The following NCAN variants were observed in gnomAD, a reference collection of about 807,000 sequenced individuals.
The protein encoded by NCAN is neurocan core protein.
In NCAN, 47 loss-of-function variants were observed where a neutral mutation model predicts 121.8. The observed-to-expected ratio is 0.39, with a 90% CI of 0.31 to 0.49. The LOEUF is 0.49. NCAN is among the 20% of genes least tolerant of loss of function. NCAN has a pLI of 0.92. For missense variants in NCAN, 1,517 were observed against 1,773.4 expected (o/e 0.86, Z 2.60); for synonymous variants, 633 against 702.0 (o/e 0.90, Z 1.55).
chr19:19,243,531 A>AAAG (rs1555785093), intron 12 of NCAN, among the ~76,000 whole-genome samples: 1 of 150,868 alleles, frequency 6.6e-6, no homozygotes, highest in African/African-American at 2.4e-5. Flanking sequence ...AAAAAAAAAA[A>AAAG]AAAGAAAAAG....
intron 12 of NCAN, among the ~76,000 whole-genome samples, chr19:19,241,346 T>C (rs56352336): frequency 0.11 from 16,349 of 152,072 alleles, 1,147 homozygotes; most frequent in Middle Eastern, 0.26. Flanking sequence ...GAGGATCACT[T>C]GAGCCCAGGA....
intron 3 of NCAN, among the ~76,000 whole-genome samples, chr19:19,222,326 C>T (rs1450467820): frequency 6.6e-6 from 1 of 152,170 alleles, no homozygotes; most frequent in African/African-American, 2.4e-5. Flanking sequence ...GTCACCCAGG[C>T]TGGAGTTCAG....
In NCAN at chr19:19,251,258, G is replaced by A. The variant is rs1334645454; in HGVS notation, c.*1347G>A. On this transcript the variant is annotated 3_prime_UTR_variant, in exon 15 of 15. Coordinates refer to ENST00000252575, the MANE Select transcript of NCAN (RefSeq NM_004386.3). ...TAAGCAAATGAATGGTCCACCTAGGGGTTCAGTAAAGAAAGAAATGTGTTA... is the reference window on the plus strand; with the variant it reads ...TAAGCAAATGAATGGTCCACCTAGGAGTTCAGTAAAGAAAGAAATGTGTTA... 1 of 152,146 alleles carries A rather than the reference G, an allele frequency of 6.6e-6. No homozygotes were observed. Among genetic ancestry groups the A allele is most frequent in the African/African-American group, 2.4e-5 (1 of 41,424 alleles). 9.4% of individuals were successfully genotyped at this position (152,146 alleles called of 1,614,324 possible).
chr19:19,248,850 A>C lies in NCAN; in HGVS notation c.3788A>C (p.Lys1263Thr). Residue 1263 changes from lysine (K) to threonine (T), a missense_variant, in exon 14 of 15, where the codon AAG (lysine) becomes ACG (threonine). By Grantham distance (78) the Lys-to-Thr change is moderately conservative (BLOSUM62 -1). Transcript: ENST00000252575. The part of the protein sequence containing the change: ...VATIRCRSNG[K>T]WDRPQIVCTK... ...ACCATTCGATGCCGGAGCAATGGCA[A>C]GTGGGACAGGCCCCAAATTGTCTGC... The C allele has an allele frequency of 6.2e-7, 1 of 1,614,212 alleles. No individual in the cohort carries two copies. Among genetic ancestry groups the C allele is most frequent in the Non-Finnish European group, 8.5e-7 (1 of 1,180,046 alleles).
At chr19:19,248,938 A>G (rs1009793684) in intron 14 of NCAN, 56 bp downstream of exon 14, 1 of 1,569,690 alleles carries the variant, frequency 6.4e-7, no homozygotes, top group Non-Finnish European at 8.7e-7. Context: ...CTAGTTTCCA[A>G]GTAAGACATC....
Position 19,250,648 on chromosome 19 carries a change from T to TTG in NCAN, c.*737_*738insTG. ...CGCTGAGATTTGGTGGTTCTGCATG[T>TTG]GTGATGAATCTCTTTCACACAAATA... On this transcript the variant is annotated 3_prime_UTR_variant, in exon 15 of 15. Coordinates refer to ENST00000252575, the MANE Select transcript of NCAN (RefSeq NM_004386.3). 6.2e-6 allele frequency: 1 copy of TTG among 160,388 alleles called. No homozygotes were observed. 9.9% of individuals were successfully genotyped at this position (160,388 alleles called of 1,614,324 possible).
chr19:19,245,330 A>G lies in NCAN; in HGVS notation c.3510A>G (p.Arg1170=). 2 of 1,614,192 alleles carry G rather than the reference A, an allele frequency of 1.2e-6. No homozygotes were observed. Among genetic ancestry groups the G allele is most frequent in the Non-Finnish European group, 1.7e-6 (2 of 1,180,016 alleles). The change falls in exon 13 of 15, where the codon CGA becomes CGG. Residue 1170 remains arginine (R), a synonymous_variant. Coordinates refer to ENST00000252575, the MANE Select transcript of NCAN (RefSeq NM_004386.3). The part of the protein sequence containing the change: ...DNTGLQFENW[R]ENQPDNFFAG... ...TCCTGCAGCAATTTGAGAACTGGCG[A>G]GAGAACCAGCCGGACAATTTCTTCG...
Position 19,228,232 on chromosome 19 carries a change from C to T in NCAN, c.2612C>T (p.Thr871Met), listed in dbSNP as rs145824706. Residue 871 changes from threonine to methionine, a missense_variant, in exon 8 of 15, where the codon ACG becomes ATG. Transcript: ENST00000252575. ...PQVALDTSIV[T>M]PLTTLEQGDK... ...GTGGCCCTGGATACAAGCATTGTGA[C>T]GCCCCTCACGACCCTGGAGCAGGGG... is the stretch of plus-strand genomic sequence containing the variant. 3.6e-5 allele frequency: 58 copies of T among 1,613,824 alleles called. No homozygotes were observed. The highest frequency in any genetic ancestry group is 1.3e-4 in the East Asian group (6 of 44,894).
In NCAN at chr19:19,245,439, G is replaced by C; in HGVS notation, c.3619G>C (p.Val1207Leu). 6.2e-7 allele frequency: 1 copy of C among 1,614,126 alleles called. No individual in the cohort carries two copies. Among genetic ancestry groups the C allele is most frequent in the Non-Finnish European group, 8.5e-7 (1 of 1,179,988 alleles). Residue 1207 changes from valine to leucine, a missense_variant, in exon 13 of 15, where the codon GTC becomes CTC. By Grantham distance (32) the Val-to-Leu change is conservative. Coordinates refer to ENST00000252575, the MANE Select transcript of NCAN (RefSeq NM_004386.3). ...CCCCTGCAACTACAACCTACCCTAT[G>C]TCTGCAAGAAGGGCACAGGTATGCT... The part of the protein sequence containing the change: ...DVPCNYNLPY[V>L]CKKGTVLCGP...
chr19:19,217,885 G>T (rs1004270315), intron 2 of NCAN, among the ~76,000 whole-genome samples: 4 of 152,104 alleles, frequency 2.6e-5, no homozygotes, highest in African/African-American at 9.7e-5. Context: ...TTCTCGGGAG[G>T]CTGAGGCATG....
At chr19:19,241,540 C>A (rs1486225853) in intron 12 of NCAN, among the ~76,000 whole-genome samples, 1 of 151,978 alleles carries the variant, frequency 6.6e-6, no homozygotes, top group African/African-American at 2.4e-5. Flanking sequence ...CGGTTCCTCA[C>A]ACAGTTAAAC....
At chr19:19,237,026 G>A (rs2060883366) in intron 10 of NCAN, among the ~76,000 whole-genome samples, 1 of 151,768 alleles carries the variant, frequency 6.6e-6, no homozygotes, top group Non-Finnish European at 1.5e-5. Flanking sequence ...TGATTCTTGT[G>A]CCTCAATCTC....
At position 19,227,227 on chromosome 19, in the gene NCAN, A is replaced by C; in HGVS notation, c.1661-54A>C. Reference sequence around the variant, plus strand: ...CCCCTCTCCCTTGGGCCTGGAGTCCAACCAAAGGGGCTGCTGAGAGATCAT... The same window carrying C: ...CCCCTCTCCCTTGGGCCTGGAGTCCCACCAAAGGGGCTGCTGAGAGATCAT... On this transcript the variant is annotated intron_variant, in intron 7 of 14. Coordinates refer to ENST00000252575, the MANE Select transcript of NCAN (RefSeq NM_004386.3). The surrounding 1 kb of genome is among the most constrained non-coding windows in gnomAD (Gnocchi z 4.2). 1 of 1,508,374 alleles carries C rather than the reference A, an allele frequency of 6.6e-7. No homozygotes were observed. The highest frequency in any genetic ancestry group is 1.3e-5 in the South Asian group (1 of 74,564). 93.4% of individuals were successfully genotyped at this position (1,508,374 alleles called of 1,614,324 possible).
chr19:19,219,636 C>T (rs1036135797), intron 3 of NCAN, among the ~76,000 whole-genome samples: 2 of 133,480 alleles, frequency 1.5e-5, no homozygotes, highest in African/African-American at 5.9e-5. Flanking sequence ...TGAGGCTACT[C>T]CACTCCAGCC....
intron 3 of NCAN, among the ~76,000 whole-genome samples, chr19:19,220,421 A>G (rs1439515341): frequency 6.6e-6 from 1 of 151,048 alleles, no homozygotes; most frequent in Non-Finnish European, 1.5e-5. Flanking sequence ...TTAAGCAAGA[A>G]CAATTCTCAA....
At chr19:19,220,444 G>C (rs2313913) in intron 3 of NCAN, among the ~76,000 whole-genome samples, 15,758 of 139,692 alleles carry the variant, frequency 0.11, 1,148 homozygotes, top group East Asian at 0.2. Context: ...ACCTGTTTAG[G>C]CAATTCTTTT....
intron 1 of NCAN, among the ~76,000 whole-genome samples, chr19:19,214,008 G>GA (rs1360787582): frequency 4.6e-5 from 7 of 152,068 alleles, no homozygotes; most frequent in African/African-American, 1.7e-4. Context: ...CCGGTGCACG[G>GA]AGCTGCTGCA....
intron 3 of NCAN, among the ~76,000 whole-genome samples, chr19:19,223,093 G>A (rs2060822725): frequency 6.6e-6 from 1 of 151,954 alleles, no homozygotes; most frequent in African/African-American, 2.4e-5. Context: ...TGGCGACAGA[G>A]TGAGATTCTG....
chr19:19,224,113 G>A lies in NCAN; in HGVS notation c.568G>A (p.Ala190Thr). 2 of 1,609,590 alleles carry A rather than the reference G, an allele frequency of 1.2e-6. No individual in the cohort carries two copies. The highest frequency in any genetic ancestry group is 8.5e-7 in the Non-Finnish European group (1 of 1,176,532). The change falls in exon 4 of 15, where the codon GCA becomes ACA. Residue 190 changes from alanine (A) to threonine (T), a missense_variant. Coordinates refer to ENST00000252575, the MANE Select transcript of NCAN (RefSeq NM_004386.3). ...EACRLSSAII[A>T]APRHLQAAFE... ...CTGCCGTCTCAGCTCAGCCATCATT[G>A]CAGCCCCTCGGCATCTACAGGCTGC... is the stretch of plus-strand genomic sequence containing the variant.
Sources: allele counts gnomAD v4.1 joint callset (sites outside exome capture counted in the v4.1 genomes callset), GRCh38; gene constraint gnomAD v4.1.1; non-coding constraint Gnocchi (gnomAD v3.1); transcripts MANE v1.5; gene names NCBI Gene and HGNC (gene_info 2026-07-23, HGNC 2026-07-21).